The following MED28 variants were observed in gnomAD, a reference collection of about 807,000 sequenced individuals.
MED28 encodes the protein mediator of RNA polymerase II transcription subunit 28.
In MED28, 26 loss-of-function variants were observed where a neutral mutation model predicts 21.3. The observed-to-expected ratio is 1.22, with a 90% CI of 0.89 to 1.69. The LOEUF (loss-of-function observed/expected upper bound fraction) is 1.69. Ranked by LOEUF, MED28 falls within the 40% of genes most tolerant of loss-of-function variation. MED28 has a pLI of 0.00. For synonymous variants in MED28, 110 were observed against 87.6 expected (o/e 1.26, Z -1.43); for missense variants, 257 against 215.4 (o/e 1.19, Z -1.21).
rs1714752445 is a variant in MED28 at position 17,625,549 on chromosome 4, T to C, written c.*1751T>C. Reference sequence around the variant, plus strand: ...ATTGAGAACTATCCTATTTGGTGCTTAGTGAAAAGATTTTGAATTACTGTA... The same window carrying C: ...ATTGAGAACTATCCTATTTGGTGCTCAGTGAAAAGATTTTGAATTACTGTA... On this transcript the variant is annotated 3_prime_UTR_variant, in exon 4 of 4. Transcript: ENST00000237380. 2 of 352,126 alleles carry C rather than the reference T, an allele frequency of 5.7e-6. No homozygotes were observed. The highest frequency in any genetic ancestry group is 8.1e-5 in the Admixed American group (2 of 24,706). The allele number at this position is 352,126 out of a possible 1,614,324, so 21.8% of individuals were successfully genotyped here.
Position 17,632,691 on chromosome 4 carries a change from C to G in MED28, c.*8893C>G. ...TATGCAAGAAGCAGCTTAATACCCA[C>G]CATCTTTTCAGGGAAAGATAACTGC... On this transcript the variant is annotated 3_prime_UTR_variant, in exon 4 of 4. Transcript: ENST00000237380. 9.4e-7 allele frequency: 1 copy of G among 1,064,768 alleles called. No homozygotes were observed. The highest frequency in any genetic ancestry group is 1.4e-6 in the Non-Finnish European group (1 of 722,842). The allele number at this position is 1,064,768 out of a possible 1,614,324, so 66.0% of individuals were successfully genotyped here.
At chr4:17,618,352 A>G (rs1262888583) in intron 1 of MED28, among the ~76,000 whole-genome samples, 3 of 151,890 alleles carry the variant, frequency 2.0e-5, no homozygotes, top group African/African-American at 7.3e-5. Flanking sequence ...AATTCTTGAG[A>G]TGAGATTTCC....
At position 17,623,928 on chromosome 4, in the gene MED28, C is replaced by T. The variant is rs2108918791; in HGVS notation, c.*130C>T. 9.6e-6 allele frequency: 10 copies of T among 1,038,144 alleles called. No homozygotes were observed. The South Asian group carries it at 1.3e-4, about 14-fold the overall frequency. 64.3% of individuals were successfully genotyped at this position (1,038,144 alleles called of 1,614,324 possible). On this transcript the variant is annotated 3_prime_UTR_variant, in exon 4 of 4. Transcript: ENST00000237380. ...TGAGTTCATTTTAGTTTTATGCTCC[C>T]ATTGAAAAATTTTCCACTATTTTTA...
intron 1 of MED28, among the ~76,000 whole-genome samples, chr4:17,618,237 G>A (rs1256008701): frequency 6.6e-6 from 1 of 151,902 alleles, no homozygotes; most frequent in African/African-American, 2.4e-5. Flanking sequence ...TTGAACTCCT[G>A]GACTGAAGTG....
Position 17,624,314 on chromosome 4 carries a change from C to A in MED28, c.*516C>A, listed in dbSNP as rs536539625. On this transcript the variant is annotated 3_prime_UTR_variant, in exon 4 of 4. Coordinates refer to ENST00000237380, the MANE Select transcript of MED28 (RefSeq NM_025205.5). Reference sequence around the variant, plus strand: ...ATCTAATACAATATTTGTAATGTTTCCAGAGCTCTCAGAATGAGGATTTTT... The same window carrying A: ...ATCTAATACAATATTTGTAATGTTTACAGAGCTCTCAGAATGAGGATTTTT... 1 of 158,842 alleles carries A rather than the reference C, an allele frequency of 6.3e-6. No homozygotes were observed. Among genetic ancestry groups the A allele is most frequent in the East Asian group, 1.8e-4 (1 of 5,466 alleles). The allele number at this position is 158,842 out of a possible 1,614,324, so 9.8% of individuals were successfully genotyped here. A position where few individuals can be genotyped will look rare whatever the true frequency, so the allele number is the denominator to read the frequency against.
At chr4:17,616,737 G>C (rs752541100) in intron 1 of MED28, among the ~76,000 whole-genome samples, 6 of 152,058 alleles carry the variant, frequency 3.9e-5, no homozygotes, top group Non-Finnish European at 8.8e-5. Context: ...TACCTGTTTT[G>C]TACCCCCACC....
intron 1 of MED28, among the ~76,000 whole-genome samples, chr4:17,617,635 G>A (rs1714489131): frequency 1.3e-5 from 2 of 152,134 alleles, no homozygotes; most frequent in Non-Finnish European, 2.9e-5. Flanking sequence ...AGGCAGATGC[G>A]GTGGCTCACG....
chr4:17,626,646 A>G lies in MED28; in HGVS notation c.*2848A>G, dbSNP rs149887401. On this transcript the variant is annotated 3_prime_UTR_variant, in exon 4 of 4. Transcript: ENST00000237380. The stretch of plus-strand genomic sequence containing the variant: ...GATTGCCTGTGGGCTATCTCTCTCC[A>G]CAGATAAACCTACTCACATCTTCAG... The G allele has an allele frequency of 6.6e-6, 1 of 152,098 alleles. No individual in the cohort carries two copies. The highest frequency in any genetic ancestry group is 1.5e-5 in the Non-Finnish European group (1 of 68,028). 9.4% of individuals were successfully genotyped at this position (152,098 alleles called of 1,614,324 possible).
chr4:17,631,706 G>T lies in MED28; in HGVS notation c.*7908G>T, dbSNP rs1224574601. The stretch of plus-strand genomic sequence containing the variant: ...GCTGCTTGTCTTAGACCAAGGAAGT[G>T]AAAGTATTCAGTCCAAGCATGCTAC... On this transcript the variant is annotated 3_prime_UTR_variant, in exon 4 of 4. Transcript: ENST00000237380. The T allele has an allele frequency of 6.6e-6, 1 of 152,204 alleles. No individual in the cohort carries two copies. Among genetic ancestry groups the T allele is most frequent in the Non-Finnish European group, 1.5e-5 (1 of 68,042 alleles). 9.4% of individuals were successfully genotyped at this position (152,204 alleles called of 1,614,324 possible).
At position 17,632,043 on chromosome 4, in the gene MED28, A is replaced by ATTTTTTTTTTTTTTTTTTTTT. The variant is rs199549580; in HGVS notation, c.*8269_*8289dup. ...TTTTAATAACACTGGTTTAATGTCA[A>ATTTTTTTTTTTTTTTTTTTTT]TTTTTTTTTTTTTTTTTTTTTTTTT... On this transcript the variant is annotated 3_prime_UTR_variant, in exon 4 of 4. Transcript: ENST00000237380. 13 of 117,618 alleles carry ATTTTTTTTTTTTTTTTTTTTT rather than the reference A, an allele frequency of 1.1e-4. No individual in the cohort carries two copies. The highest frequency in any genetic ancestry group is 1.6e-4 in the Non-Finnish European group (9 of 56,560). 7.3% of individuals were successfully genotyped at this position (117,618 alleles called of 1,614,324 possible). A position where few individuals can be genotyped will look rare whatever the true frequency, so the allele number is the denominator to read the frequency against.
Position 17,628,255 on chromosome 4 carries a change from C to CGTGT in MED28, c.*4490_*4493dup, listed in dbSNP as rs71167314. 30,892 of 140,664 alleles carry CGTGT rather than the reference C, an allele frequency of 0.22. 3,881 individuals are homozygous for CGTGT. Among genetic ancestry groups the CGTGT allele is most frequent in the East Asian group, 0.51 (2,387 of 4,686 alleles). 8.7% of individuals were successfully genotyped at this position (140,664 alleles called of 1,614,324 possible). A position where few individuals can be genotyped will look rare whatever the true frequency, so the allele number is the denominator to read the frequency against. On this transcript the variant is annotated 3_prime_UTR_variant, in exon 4 of 4. Transcript: ENST00000237380. Reference sequence around the variant, plus strand: ...GCTGGTTAAAACGAGTGACAGCTGCCGTGTGTGTGTGTGTGTGTGTGTGTG... The same window carrying CGTGT: ...GCTGGTTAAAACGAGTGACAGCTGCCGTGTGTGTGTGTGTGTGTGTGTGTGTGTG...
chr4:17,620,208 C>A, intron 2 of MED28: 1 of 513,626 alleles, frequency 1.9e-6, no homozygotes, highest in Non-Finnish European at 3.5e-6. Flanking sequence ...AGAAGAAGAC[C>A]AATAGTGTGT....
In MED28 at chr4:17,621,648, A is replaced by C; in HGVS notation, c.288A>C (p.Leu96Phe). 3.1e-6 allele frequency: 5 copies of C among 1,610,936 alleles called. No individual in the cohort carries two copies. Among genetic ancestry groups the C allele is most frequent in the Non-Finnish European group, 4.2e-6 (5 of 1,179,316 alleles). The change falls in exon 3 of 4, where the codon TTA (leucine) becomes TTC (phenylalanine). Residue 96 changes from leucine to phenylalanine, a missense_variant. Leu to Phe is a conservative substitution (Grantham distance 22, BLOSUM62 0). Coordinates refer to ENST00000237380, the MANE Select transcript of MED28 (RefSeq NM_025205.5). ...CAAGACAGACAGAATGTTTTTTCTT[A>C]CAAAAAAGATTGCAGTTATCTGTCC... ...DIARQTECFF[L>F]QKRLQLSVQK...
At position 17,626,566 on chromosome 4, in the gene MED28, A is replaced by G. The variant is rs1192017277; in HGVS notation, c.*2768A>G. On this transcript the variant is annotated 3_prime_UTR_variant, in exon 4 of 4. Coordinates refer to ENST00000237380, the MANE Select transcript of MED28 (RefSeq NM_025205.5). ...CTTTGAAAGGTAGAAAGTTCCACCA[A>G]GAAGGCCTTTTTTCTTGAATACTGC... 2 of 152,196 alleles carry G rather than the reference A, an allele frequency of 1.3e-5. No homozygotes were observed. The highest frequency in any genetic ancestry group is 4.8e-5 in the African/African-American group (2 of 41,442). 9.4% of individuals were successfully genotyped at this position (152,196 alleles called of 1,614,324 possible).
chr4:17,619,843 A>T (rs1003705543), intron 1 of MED28, 58 bp from the exon 2 acceptor site: 2 of 1,489,116 alleles, frequency 1.3e-6, no homozygotes, highest in African/African-American at 2.8e-5. Context: ...CTTCCTCTGG[A>T]GTAAGATTTT....
At position 17,628,634 on chromosome 4, in the gene MED28, G is replaced by T. The variant is rs1399362675; in HGVS notation, c.*4836G>T. ...ATTCACACCCCCCAGTGAATGTCTTGCACTTCTAATTGTGTCTCGGGGCAT... is the reference window on the plus strand; with the variant it reads ...ATTCACACCCCCCAGTGAATGTCTTTCACTTCTAATTGTGTCTCGGGGCAT... On this transcript the variant is annotated 3_prime_UTR_variant, in exon 4 of 4. Coordinates refer to ENST00000237380, the MANE Select transcript of MED28 (RefSeq NM_025205.5). The T allele has an allele frequency of 6.6e-6, 1 of 152,148 alleles. No homozygotes were observed. Among genetic ancestry groups the T allele is most frequent in the Non-Finnish European group, 1.5e-5 (1 of 68,052 alleles). The allele number at this position is 152,148 out of a possible 1,614,324, so 9.4% of individuals were successfully genotyped here.
chr4:17,616,419 GC>G, intron 1 of MED28, among the ~76,000 whole-genome samples: 1 of 152,296 alleles, frequency 6.6e-6, no homozygotes, highest in South Asian at 2.1e-4. Flanking sequence ...TGAAAGACTG[GC>G]CCTGTACAAG....
At position 17,614,645 on chromosome 4, in the gene MED28, C is replaced by T; in HGVS notation, c.-10C>T. On this transcript the variant is annotated 5_prime_UTR_variant, in exon 1 of 4. Coordinates refer to ENST00000237380, the MANE Select transcript of MED28 (RefSeq NM_025205.5). ...CAGGCGCAGTGGATCTCTCTTGCGCCATTCCAAACATGGCGGCTCCACTAG... is the reference window on the plus strand; with the variant it reads ...CAGGCGCAGTGGATCTCTCTTGCGCTATTCCAAACATGGCGGCTCCACTAG... 6.2e-7 allele frequency: 1 copy of T among 1,605,084 alleles called. No individual in the cohort carries two copies. The highest frequency in any genetic ancestry group is 8.5e-7 in the Non-Finnish European group (1 of 1,176,446).
In MED28 at chr4:17,624,608, T is replaced by C. The variant is rs1266913159; in HGVS notation, c.*810T>C. The C allele has an allele frequency of 6.6e-6, 1 of 152,216 alleles. No individual in the cohort carries two copies. The allele number at this position is 152,216 out of a possible 1,614,324, so 9.4% of individuals were successfully genotyped here. On this transcript the variant is annotated 3_prime_UTR_variant, in exon 4 of 4. Coordinates refer to ENST00000237380, the MANE Select transcript of MED28 (RefSeq NM_025205.5). The stretch of plus-strand genomic sequence containing the variant: ...TAGGTGAGCTGTGAGGGGCTAAATC[T>C]TGCTCTGATTGTCTCTTTCTGTTTT...
Sources: allele counts gnomAD v4.1 joint callset (sites outside exome capture counted in the v4.1 genomes callset), GRCh38; gene constraint gnomAD v4.1.1; transcripts MANE v1.5; gene names NCBI Gene and HGNC (gene_info 2026-07-23, HGNC 2026-07-21).